The following AKAP8 variants were observed in gnomAD, a reference collection of about 807,000 sequenced individuals.
AKAP8 encodes A-kinase anchoring protein 8.
In AKAP8, 24 loss-of-function variants were observed where a neutral mutation model predicts 67.5. The observed-to-expected ratio is 0.36, with a 90% CI of 0.26 to 0.50. AKAP8 has a LOEUF of 0.50. AKAP8 is among the 20% of genes least tolerant of loss of function. AKAP8 has a pLI of 0.97. For missense variants in AKAP8, 971 were observed against 955.9 expected (o/e 1.02, Z -0.21); for synonymous variants, 400 against 371.1 (o/e 1.08, Z -0.90).
intron 2 of AKAP8, among the ~76,000 whole-genome samples, chr19:15,375,627 C>T (rs1967238521): frequency 7.4e-6 from 1 of 134,488 alleles, no homozygotes; most frequent in East Asian, 2.5e-4. Context: ...CACACCAATG[C>T]AAGATTTTTT....
chr19:15,362,640 G>A (rs1448862924), intron 9 of AKAP8, among the ~76,000 whole-genome samples: 7 of 150,478 alleles, frequency 4.7e-5, no homozygotes, highest in African/African-American at 1.5e-4. Context: ...GATTGCAGAC[G>A]GAGTCTCGTT....
chr19:15,371,408 G>T (rs1441084372), intron 7 of AKAP8, among the ~76,000 whole-genome samples: 1 of 152,194 alleles, frequency 6.6e-6, no homozygotes, highest in Non-Finnish European at 1.5e-5. Flanking sequence ...TCAGCCCACA[G>T]TCCCTGCACT....
intron 7 of AKAP8, among the ~76,000 whole-genome samples, chr19:15,370,864 T>A (rs1187912455): frequency 6.6e-6 from 1 of 152,104 alleles, no homozygotes; most frequent in Non-Finnish European, 1.5e-5. Context: ...TCTTGTGACC[T>A]CGTGATCCAC....
At chr19:15,361,654 G>T in intron 11 of AKAP8, 75 bp downstream of exon 11, 1 of 1,387,432 alleles carries the variant, frequency 7.2e-7, no homozygotes, top group Non-Finnish European at 1.0e-6. Context: ...GCCCGGCCTC[G>T]TGCCACGTTT....
chr19:15,367,039 C>G (rs986086074), intron 9 of AKAP8, among the ~76,000 whole-genome samples: 3 of 152,160 alleles, frequency 2.0e-5, no homozygotes, highest in African/African-American at 7.2e-5. Context: ...TCCCGAGTAG[C>G]TGAGATTACA....
intron 2 of AKAP8, 87 bp from the exon 3 acceptor site, chr19:15,374,722 GC>G (rs1326423430): frequency 2.0e-5 from 30 of 1,504,564 alleles, no homozygotes; most frequent in Non-Finnish European, 2.7e-5. Flanking sequence ...ACCCTCCACA[GC>G]CCCAGGGCCA....
chr19:15,375,113 G>A (rs1967229846), intron 2 of AKAP8, among the ~76,000 whole-genome samples: 1 of 152,198 alleles, frequency 6.6e-6, no homozygotes, highest in Non-Finnish European at 1.5e-5. Context: ...ACACCGGGTG[G>A]TGGCTCAAAA....
intron 11 of AKAP8, 111 bp from the exon 12 acceptor site, chr19:15,361,089 A>G: frequency 7.2e-7 from 1 of 1,389,304 alleles, no homozygotes; most frequent in Non-Finnish European, 9.7e-7. Context: ...TCAGAAGGGC[A>G]CAGCCTGCCT....
In AKAP8 at chr19:15,372,323, A is replaced by T. The variant is rs1315048906; in HGVS notation, c.886T>A (p.Phe296Ile). The change falls in exon 6 of 14, where the codon TTC (phenylalanine) becomes ATC (isoleucine). Residue 296 changes from phenylalanine to isoleucine, a missense_variant. Phe to Ile is a conservative substitution (Grantham distance 21). Coordinates refer to ENST00000269701, the MANE Select transcript of AKAP8 (RefSeq NM_005858.4). ...DRPKRRGFDR[F>I]GPDGTGRKRK... ...TTCCTGCCCGTGCCATCTGGTCCGA[A>T]GCGGTCAAACCCTCTCCTCTTGGGC... 6.2e-7 allele frequency: 1 copy of T among 1,614,166 alleles called. No individual in the cohort carries two copies. Among genetic ancestry groups the T allele is most frequent in the Non-Finnish European group, 8.5e-7 (1 of 1,180,046 alleles).
rs779601230 is a variant in AKAP8, at chr19:15,354,870, C to T, written c.*45G>A. ...TTACAAACCAAGGGAGAAAGACCAA[C>T]GCATCCATCATCCCAACGCCTTCCC... On this transcript the variant is annotated 3_prime_UTR_variant, in exon 14 of 14. Transcript: ENST00000269701. The T allele has an allele frequency of 2.1e-5, 33 of 1,596,132 alleles. No homozygotes were observed. The highest frequency in any genetic ancestry group is 1.7e-4 in the Middle Eastern group (1 of 6,040).
In AKAP8 at chr19:15,379,751, A is replaced by C. The variant is rs766088287; in HGVS notation, c.-20T>G. The C allele has an allele frequency of 5.0e-6, 8 of 1,610,848 alleles. No homozygotes were observed. Among genetic ancestry groups the C allele is most frequent in the Middle Eastern group, 1.7e-4 (1 of 6,044 alleles). ...GTCCATGTCTTCGACGCGGCCCACC[A>C]GCAGCCCCGTTTACTAGGCGACCAC... On this transcript the variant is annotated 5_prime_UTR_variant, in exon 1 of 14. Coordinates refer to ENST00000269701, the MANE Select transcript of AKAP8 (RefSeq NM_005858.4).
chr19:15,359,685 C>A (rs1265363048), intron 12 of AKAP8, among the ~76,000 whole-genome samples: 2 of 152,054 alleles, frequency 1.3e-5, no homozygotes, highest in Admixed American at 6.6e-5. Context: ...CCAGCCTGGG[C>A]AATGGAGTGA....
chr19:15,371,279 C>A (rs369597111), intron 7 of AKAP8, among the ~76,000 whole-genome samples: 1 of 152,092 alleles, frequency 6.6e-6, no homozygotes, highest in African/African-American at 2.4e-5. Flanking sequence ...CGGCTATGAA[C>A]TGGCCCCACG....
chr19:15,354,469 A>G lies in AKAP8; in HGVS notation c.*446T>C, dbSNP rs535717417. On this transcript the variant is annotated 3_prime_UTR_variant, in exon 14 of 14. Coordinates refer to ENST00000269701, the MANE Select transcript of AKAP8 (RefSeq NM_005858.4). ...ATGGTGCACTACAAAGGTATAGGTT[A>G]AAGGCTGAAGCTTGAAACATACAAA... 1.1e-5 allele frequency: 2 copies of G among 179,170 alleles called. No individual in the cohort carries two copies. Among genetic ancestry groups the G allele is most frequent in the African/African-American group, 4.8e-5 (2 of 42,056 alleles). 11.1% of individuals were successfully genotyped at this position (179,170 alleles called of 1,614,324 possible).
rs1344142785 is a variant in AKAP8, at chr19:15,369,471, C to T, written c.1072+675G>A. ...AAGACCCACAGGACAGGTAAAGAAA[C>T]GAGTGGCTTCAGGGTGAGCTCCAGG... On this transcript the variant is annotated intron_variant, in intron 8 of 13. Coordinates refer to ENST00000269701, the MANE Select transcript of AKAP8 (RefSeq NM_005858.4). The surrounding 1 kb of genome is among the most constrained non-coding windows in gnomAD (Gnocchi z 4.6). Among the ~76,000 whole-genome samples, 3 of 152,230 alleles carry T rather than the reference C, an allele frequency of 2.0e-5. No individual in the cohort carries two copies. Among genetic ancestry groups the T allele is most frequent in the South Asian group, 2.1e-4 (1 of 4,838 alleles).
rs750965145 is a variant in AKAP8, at chr19:15,361,757, G to A, written c.1368C>T (p.Thr456=). The change falls in exon 11 of 14, where the codon ACC becomes ACT. Residue 456 remains threonine (T), a synonymous_variant. Coordinates refer to ENST00000269701, the MANE Select transcript of AKAP8 (RefSeq NM_005858.4). ...KRRQELMEKE[T]AKPKPDPFKG... is the part of the protein sequence containing the mutation. ...TGAAAGGATCTGGTTTTGGTTTTGC[G>A]GTTTCTTTCTCCATCAATTCCTGAC... 13 of 1,613,870 alleles carry A rather than the reference G, an allele frequency of 8.1e-6. No homozygotes were observed. The highest frequency in any genetic ancestry group is 1.0e-5 in the Non-Finnish European group (12 of 1,179,816).
intron 6 of AKAP8, 90 bp from the exon 7 acceptor site, chr19:15,372,088 T>G (rs1967168025): frequency 2.5e-6 from 4 of 1,608,338 alleles, no homozygotes; most frequent in Non-Finnish European, 3.4e-6. Flanking sequence ...AGGGTGAGTC[T>G]GCCCTGACCA....
At chr19:15,359,687 A>T (rs1966934073) in intron 12 of AKAP8, among the ~76,000 whole-genome samples, 1 of 152,178 alleles carries the variant, frequency 6.6e-6, no homozygotes, top group Admixed American at 6.6e-5. Context: ...AGCCTGGGCA[A>T]TGGAGTGAGA....
At chr19:15,359,886 C>A (rs1011714941) in intron 12 of AKAP8, among the ~76,000 whole-genome samples, 1 of 152,026 alleles carries the variant, frequency 6.6e-6, no homozygotes, top group South Asian at 2.1e-4. Flanking sequence ...GTAATCCCAG[C>A]ACTCTGGGAG....
Sources: gnomAD v4.1 joint callset for allele counts (sites outside exome capture counted in the v4.1 genomes callset) on GRCh38, gnomAD v4.1.1 for gene constraint, Gnocchi (gnomAD v3.1) non-coding constraint, MANE v1.5 for transcripts, NCBI Gene and HGNC (gene_info 2026-07-23, HGNC 2026-07-21) for gene names.